NR6A1: variants seen among roughly 807,000 people sequenced by gnomAD.
NR6A1 encodes the protein nuclear receptor subfamily 6 group A member 1, also known as retinoic acid receptor-related testis-associated receptor.
A neutral mutation model predicts 59.1 loss-of-function variants in NR6A1; 7 were observed. The observed-to-expected ratio is 0.12, with a 90% CI of 0.07 to 0.22. The LOEUF (loss-of-function observed/expected upper bound fraction) is 0.22. Ranked by LOEUF, NR6A1 falls within the 10% of genes least tolerant of loss-of-function variation. NR6A1 has a pLI of 1.00. For synonymous variants in NR6A1, 243 were observed against 236.1 expected (o/e 1.03, Z -0.27); for missense variants, 468 against 611.6 (o/e 0.77, Z 2.48).
rs537238884 is a variant in NR6A1 at position 124,520,061 on chromosome 9, G to C, written c.*2644C>G. The C allele has an allele frequency of 5.9e-5, 9 of 152,034 alleles. No homozygotes were observed. In the East Asian group the frequency reaches 1.4e-3, roughly 23 times the overall value. The allele number at this position is 152,034 out of a possible 1,614,324, so 9.4% of individuals were successfully genotyped here. A position where few individuals can be genotyped will look rare whatever the true frequency, so the allele number is the denominator to read the frequency against. On this transcript the variant is annotated 3_prime_UTR_variant, in exon 10 of 10. Transcript: ENST00000487099. The stretch of plus-strand genomic sequence containing the variant: ...GGCTACCTGTTAACCAAACATTATG[G>C]GGAAGAAAGCAAAAAACAAACACAC...
chr9:124,720,923 ATGTATTCCCT>A (rs1442488135), intron 2 of NR6A1, among the ~76,000 whole-genome samples: 1 of 152,214 alleles, frequency 6.6e-6, no homozygotes, highest in Non-Finnish European at 1.5e-5. Context: ...AAGAATTCCC[ATGTATTCCCT>A]TGTTATCAAG....
At chr9:124,708,691 T>C (rs953949791) in intron 2 of NR6A1, among the ~76,000 whole-genome samples, 1 of 152,244 alleles carries the variant, frequency 6.6e-6, no homozygotes. Flanking sequence ...CTGGAGTCTT[T>C]AGTGCCTTCC....
intron 2 of NR6A1, among the ~76,000 whole-genome samples, chr9:124,647,404 G>A (rs1836959927): frequency 6.6e-6 from 1 of 152,038 alleles, no homozygotes; most frequent in Non-Finnish European, 1.5e-5. Flanking sequence ...TAAAAGAAAT[G>A]GACATACACA....
At chr9:124,535,782 G>A (rs561793737) in intron 7 of NR6A1, 96 bp downstream of exon 7, 5 of 1,451,358 alleles carry the variant, frequency 3.4e-6, no homozygotes, top group Middle Eastern at 2.0e-4. Context: ...CCTATGAGGT[G>A]TAGTGCCTAT....
intron 2 of NR6A1, among the ~76,000 whole-genome samples, chr9:124,628,747 TCTC>T (rs1247340462): frequency 1.3e-5 from 2 of 151,982 alleles, no homozygotes; most frequent in Admixed American, 1.3e-4. Flanking sequence ...TTCAAGCAAT[TCTC>T]CTGCCTCAGT....
chr9:124,653,283 T>A (rs1837156031), intron 2 of NR6A1, among the ~76,000 whole-genome samples: 1 of 152,162 alleles, frequency 6.6e-6, no homozygotes, highest in African/African-American at 2.4e-5. Flanking sequence ...ACTTTTTTTT[T>A]TTTTTAGTAA....
Position 124,678,222 on chromosome 9 carries a change from C to CT in NR6A1, c.142+55085dup, listed in dbSNP as rs1838021924. Among the ~76,000 whole-genome samples, 3 of 152,270 alleles carry CT rather than the reference C, an allele frequency of 2.0e-5. No individual in the cohort carries two copies. The South Asian group carries it at 6.2e-4, about 32-fold the overall frequency. On this transcript the variant is annotated intron_variant, in intron 2 of 9. Coordinates refer to ENST00000487099, the MANE Select transcript of NR6A1 (RefSeq NM_033334.4). ...GCTCCCATGCCTAGAGGCTGACAAC[C>CT]TTCCTAAAAGAGCTAGATTCCTACA... is the stretch of plus-strand genomic sequence containing the variant.
intron 3 of NR6A1, among the ~76,000 whole-genome samples, chr9:124,550,375 ATTTTTTT>A (rs58594452): frequency 0.019 from 2,210 of 117,646 alleles, 54 homozygotes; most frequent in African/African-American, 0.067. Context: ...CTAATGGTGA[ATTTTTTT>A]TTTTTTTTTT....
intron 2 of NR6A1, chr9:124,595,881 G>A (rs372699369): frequency 1.8e-5 from 21 of 1,181,676 alleles, no homozygotes; most frequent in Admixed American, 7.0e-5. Flanking sequence ...CCTCTAAGCC[G>A]GGACTACGAC....
chr9:124,626,133 G>A (rs1836235190), intron 2 of NR6A1, among the ~76,000 whole-genome samples: 1 of 152,226 alleles, frequency 6.6e-6, no homozygotes, highest in Non-Finnish European at 1.5e-5. Context: ...AGCCTTCCGA[G>A]CAGCTGGGAC....
At chr9:124,563,123 T>C (rs1010849061) in intron 2 of NR6A1, among the ~76,000 whole-genome samples, 1 of 152,216 alleles carries the variant, frequency 6.6e-6, no homozygotes, top group African/African-American at 2.4e-5. Flanking sequence ...ACACAATTTG[T>C]TGAATGAATG....
At chr9:124,534,471 G>A (rs1833194377) in intron 7 of NR6A1, among the ~76,000 whole-genome samples, 1 of 152,166 alleles carries the variant, frequency 6.6e-6, no homozygotes, top group South Asian at 2.1e-4. Flanking sequence ...TGTGCTCCAG[G>A]TCTGCAGAGT....
intron 2 of NR6A1, among the ~76,000 whole-genome samples, chr9:124,700,035 AGAT>A (rs2131044515): frequency 1.3e-5 from 2 of 151,976 alleles, no homozygotes; most frequent in South Asian, 4.1e-4. Flanking sequence ...TTTTTAGTAG[AGAT>A]GGAGTTTCGC....
intron 2 of NR6A1, among the ~76,000 whole-genome samples, chr9:124,592,008 G>A (rs1835137816): frequency 6.6e-6 from 1 of 152,194 alleles, no homozygotes; most frequent in Non-Finnish European, 1.5e-5. Flanking sequence ...AGAAACCCCA[G>A]TAGCAGGGGA....
intron 2 of NR6A1, among the ~76,000 whole-genome samples, chr9:124,638,063 T>C (rs1176825952): frequency 2.0e-5 from 3 of 151,920 alleles, no homozygotes; most frequent in Non-Finnish European, 4.4e-5. Context: ...GCCTGGACAA[T>C]ACAGTGAGAT....
Position 124,526,800 on chromosome 9 carries a change from C to T in NR6A1, c.1180G>A (p.Ala394Thr). ...VSNEEYACMKAINFLNQDIRG... is the reference protein window; with the variant it reads ...VSNEEYACMKTINFLNQDIRG... ...TCACCTTGATTTAGGAAGTTAATTGCTTTCATGCAAGCATACTCCTCGTTG... is the reference window on the plus strand; with the variant it reads ...TCACCTTGATTTAGGAAGTTAATTGTTTTCATGCAAGCATACTCCTCGTTG... Residue 394 changes from alanine (A) to threonine (T), a missense_variant, in exon 8 of 10, where the codon GCA becomes ACA. By Grantham distance (58) the Ala-to-Thr change is moderately conservative (BLOSUM62 0). Transcript: ENST00000487099. 5.0e-6 allele frequency: 8 copies of T among 1,613,878 alleles called. No individual in the cohort carries two copies. Among genetic ancestry groups the T allele is most frequent in the Non-Finnish European group, 6.8e-6 (8 of 1,179,838 alleles).
intron 1 of NR6A1, among the ~76,000 whole-genome samples, chr9:124,759,500 A>G (rs1840729812): frequency 6.6e-6 from 1 of 152,146 alleles, no homozygotes; most frequent in African/African-American, 2.4e-5. Flanking sequence ...TTTCCCTTAT[A>G]TTTTGTAGAC....
chr9:124,525,441 C>T (rs1365828622), intron 8 of NR6A1, among the ~76,000 whole-genome samples: 1 of 152,056 alleles, frequency 6.6e-6, no homozygotes. Context: ...CAACAGCTCA[C>T]TGCAGCTGGC....
chr9:124,671,799 G>A (rs1399577912), intron 2 of NR6A1, among the ~76,000 whole-genome samples: 5 of 152,152 alleles, frequency 3.3e-5, no homozygotes, highest in Admixed American at 1.3e-4. Context: ...TTGCTGTCTA[G>A]CTTTTTCTTA....
Sources: gnomAD v4.1 joint callset for allele counts (sites outside exome capture counted in the v4.1 genomes callset) on GRCh38, gnomAD v4.1.1 for gene constraint, MANE v1.5 for transcripts, NCBI Gene and HGNC (gene_info 2026-07-23, HGNC 2026-07-21) for gene names.